Variants in SAMD12 observed in about 807,000 individuals in gnomAD.
The protein encoded by SAMD12 is sterile alpha motif domain-containing protein 12.
In SAMD12, 9 loss-of-function variants were observed where a neutral mutation model predicts 15.0. That is an observed-to-expected ratio of 0.60 (90% CI 0.36 to 1.05). SAMD12 has a LOEUF of 1.05. Ranked by LOEUF, SAMD12 falls within the 50% of genes least tolerant of loss-of-function variation. The probability of loss-of-function intolerance (pLI) is 0.01; values close to 1 mark genes in which losing one functional copy is unlikely to be tolerated. For missense variants in SAMD12, 230 were observed against 234.2 expected (o/e 0.98, Z 0.12); for synonymous variants, 86 against 90.1 (o/e 0.96, Z 0.25).
chr8:118,600,655 AAAT>A (rs1225033473), intron 1 of SAMD12, among the ~76,000 whole-genome samples: 1 of 152,230 alleles, frequency 6.6e-6, no homozygotes, highest in Non-Finnish European at 1.5e-5. Flanking sequence ...TTACATGTAA[AAAT>A]AATTATACAT....
intron 4 of SAMD12, among the ~76,000 whole-genome samples, chr8:118,317,402 A>G (rs143398396): frequency 8.1e-4 from 123 of 152,318 alleles, no homozygotes; most frequent in African/African-American, 2.9e-3. Context: ...AGAATTATGG[A>G]ATGCATAAAT....
downstream of SAMD12, among the ~76,000 whole-genome samples, chr8:118,377,754 T>C (rs1007586581): frequency 1.2e-4 from 18 of 151,848 alleles, no homozygotes; most frequent in Admixed American, 1.0e-3. Flanking sequence ...AGGAAAAGAG[T>C]CAAAGGCACA....
chr8:118,440,697 A>AAACAC (rs1822726448), intron 2 of SAMD12, among the ~76,000 whole-genome samples: 3 of 52,368 alleles, frequency 5.7e-5, no homozygotes, highest in African/African-American at 1.9e-4. Context: ...CACACACACA[A>AAACAC]ACACACACAC....
chr8:118,242,028 T>C (rs905960994), intron 4 of SAMD12, among the ~76,000 whole-genome samples: 3 of 152,128 alleles, frequency 2.0e-5, no homozygotes, highest in South Asian at 2.1e-4. Context: ...TCCTCCCACC[T>C]CAGCCTCCCT....
At chr8:118,147,686 G>A in the SAMD12 span, among the ~76,000 whole-genome samples, 2 of 151,906 alleles carry the variant, frequency 1.3e-5, no homozygotes, top group Non-Finnish European at 2.9e-5. Context: ...AGCTAAAAAA[G>A]GTTAAAGAAC....
Position 118,439,823 on chromosome 8 carries a change from A to G in SAMD12, c.322+9T>C. On this transcript the variant is annotated intron_variant, in intron 3 of 3. Transcript: ENST00000314727. ...AGGAGTGAAATATCTGGGATACTGC[A>G]TACTTTACCAGTTATGTCATGCTGT... The G allele has an allele frequency of 1.2e-6, 2 of 1,612,448 alleles. No individual in the cohort carries two copies. Among genetic ancestry groups the G allele is most frequent in the Non-Finnish European group, 8.5e-7 (1 of 1,178,576 alleles).
chr8:118,390,591 G>C (rs1820221750), intron 3 of SAMD12, among the ~76,000 whole-genome samples: 1 of 152,078 alleles, frequency 6.6e-6, no homozygotes, highest in Non-Finnish European at 1.5e-5. Flanking sequence ...CCCAATACCA[G>C]AGCTAGCAAG....
intron 4 of SAMD12, among the ~76,000 whole-genome samples, chr8:118,260,829 G>A (rs1813060469): frequency 6.6e-6 from 1 of 152,118 alleles, no homozygotes; most frequent in Non-Finnish European, 1.5e-5. Context: ...TTAGACCAAG[G>A]AGTGGTAACA....
intron 4 of SAMD12, among the ~76,000 whole-genome samples, chr8:118,341,328 C>T (rs1817357381): frequency 6.6e-6 from 1 of 152,194 alleles, no homozygotes; most frequent in Non-Finnish European, 1.5e-5. Flanking sequence ...TAAGAGCAGT[C>T]ACTAAGCCTT....
chr8:118,520,144 A>G (rs1825350366), intron 2 of SAMD12, among the ~76,000 whole-genome samples: 1 of 152,216 alleles, frequency 6.6e-6, no homozygotes, highest in Non-Finnish European at 1.5e-5. Flanking sequence ...TTTATTCTCT[A>G]AAATACATTA....
chr8:118,301,353 T>C (rs1815016797), intron 4 of SAMD12, among the ~76,000 whole-genome samples: 3 of 152,334 alleles, frequency 2.0e-5, no homozygotes, highest in Non-Finnish European at 2.9e-5. Context: ...GAAATGGTTC[T>C]CTTGACCCAT....
chr8:118,540,505 A>T (rs2131147565), intron 2 of SAMD12, among the ~76,000 whole-genome samples: 1 of 152,300 alleles, frequency 6.6e-6, no homozygotes, highest in African/African-American at 2.4e-5. Context: ...GTATATATAC[A>T]GGGGTGTGTT....
intron 2 of SAMD12, among the ~76,000 whole-genome samples, chr8:118,544,643 C>T (rs979948593): frequency 2.0e-5 from 3 of 152,176 alleles, no homozygotes; most frequent in Non-Finnish European, 2.9e-5. Context: ...AGGGAAAAAC[C>T]GCCAAGATTC....
intron 3 of SAMD12, among the ~76,000 whole-genome samples, chr8:118,389,883 C>A (rs1820174488): frequency 6.6e-6 from 1 of 152,154 alleles, no homozygotes; most frequent in South Asian, 2.1e-4. Context: ...TATGAAATCT[C>A]CCAATTTAAA....
chr8:118,498,962 C>CA (rs1027385635), intron 2 of SAMD12, among the ~76,000 whole-genome samples: 10 of 152,162 alleles, frequency 6.6e-5, no homozygotes, highest in African/African-American at 2.4e-4. Flanking sequence ...CTGCACTCTC[C>CA]AGTGAATACA....
At chr8:118,498,086 C>A (rs1407248492) in intron 2 of SAMD12, among the ~76,000 whole-genome samples, 1 of 152,156 alleles carries the variant, frequency 6.6e-6, no homozygotes, top group Non-Finnish European at 1.5e-5. Flanking sequence ...CAAGGCAAGG[C>A]ATGTGTTATA....
At chr8:118,552,769 T>A (rs953414932) in intron 2 of SAMD12, among the ~76,000 whole-genome samples, 1 of 152,162 alleles carries the variant, frequency 6.6e-6, no homozygotes, top group Non-Finnish European at 1.5e-5. Context: ...CATGATTGTA[T>A]CTCTAGAAAA....
At chr8:118,603,603 GC>G (rs1413688985) in intron 1 of SAMD12, among the ~76,000 whole-genome samples, 3 of 152,120 alleles carry the variant, frequency 2.0e-5, no homozygotes, top group Non-Finnish European at 4.4e-5. Context: ...TTCCCAGCTA[GC>G]TTTTCTCAGG....
At chr8:118,530,357 C>T (rs1050881399) in intron 2 of SAMD12, among the ~76,000 whole-genome samples, 5 of 152,118 alleles carry the variant, frequency 3.3e-5, no homozygotes, top group African/African-American at 1.2e-4. Flanking sequence ...TTTTTAAATC[C>T]TCACACTCCT....
Sources: gnomAD v4.1 joint callset for allele counts (sites outside exome capture counted in the v4.1 genomes callset) on GRCh38, gnomAD v4.1.1 for gene constraint, MANE v1.5 for transcripts, NCBI Gene and HGNC (gene_info 2026-07-23, HGNC 2026-07-21) for gene names.